SCHIP1: variants seen among roughly 807,000 people sequenced by gnomAD.
SCHIP1 encodes schwannomin-interacting protein 1.
Under a neutral mutation model 29.7 loss-of-function variants are expected in SCHIP1, and 8 were observed. The observed-to-expected ratio is 0.27, with a 90% CI of 0.16 to 0.49. The LOEUF is 0.49. SCHIP1 is among the 20% of genes least tolerant of loss of function. The pLI, the probability that SCHIP1 is intolerant of heterozygous loss-of-function variation, is 0.99. For missense variants in SCHIP1, 193 were observed against 294.6 expected (o/e 0.66, Z 2.52); for synonymous variants, 76 against 94.9 (o/e 0.80, Z 1.16).
At chr3:159,796,311 A>G in the SCHIP1 span, among the ~76,000 whole-genome samples, 2 of 152,074 alleles carry the variant, frequency 1.3e-5, no homozygotes, top group South Asian at 4.2e-4. Context: ...TACAAGCCAT[A>G]TAAAGCACGT....
chr3:159,763,004 T>G, the SCHIP1 span, among the ~76,000 whole-genome samples: 1 of 152,244 alleles, frequency 6.6e-6, no homozygotes, highest in East Asian at 1.9e-4. Context: ...GCTTCCCCTG[T>G]CTCCTTGCCA....
the SCHIP1 span, among the ~76,000 whole-genome samples, chr3:159,536,016 T>G: frequency 6.6e-6 from 1 of 152,202 alleles, no homozygotes; most frequent in Non-Finnish European, 1.5e-5. Flanking sequence ...TTAAATCATT[T>G]AAAGTTATAT....
chr3:159,644,510 T>G, the SCHIP1 span, among the ~76,000 whole-genome samples: 5 of 152,154 alleles, frequency 3.3e-5, no homozygotes, highest in East Asian at 9.6e-4. Flanking sequence ...TCCTTTTCTC[T>G]TTCTTCTTTT....
the SCHIP1 span, among the ~76,000 whole-genome samples, chr3:159,435,809 G>C: frequency 3.3e-5 from 5 of 152,236 alleles, no homozygotes; most frequent in Non-Finnish European, 7.4e-5. Context: ...AAGCAGGTGA[G>C]AGTTTCTCTC....
chr3:159,606,023 G>C, the SCHIP1 span, among the ~76,000 whole-genome samples: 2 of 152,156 alleles, frequency 1.3e-5, no homozygotes, highest in African/African-American at 2.4e-5. Context: ...GAAAGCACTC[G>C]AACTGTGACA....
the SCHIP1 span, among the ~76,000 whole-genome samples, chr3:159,822,571 A>G: frequency 2.3e-4 from 34 of 150,580 alleles, no homozygotes; most frequent in Non-Finnish European, 3.6e-4. Context: ...ACAGGCCAAA[A>G]TTTTGCAGGG....
the SCHIP1 span, among the ~76,000 whole-genome samples, chr3:159,396,208 G>C: frequency 1.3e-5 from 2 of 151,062 alleles, no homozygotes; most frequent in Admixed American, 6.6e-5. Context: ...TTGAGCCTAT[G>C]TGTGTCTCTG....
At chr3:159,411,423 C>T in the SCHIP1 span, among the ~76,000 whole-genome samples, 2 of 151,900 alleles carry the variant, frequency 1.3e-5, no homozygotes, top group South Asian at 4.2e-4. Flanking sequence ...ACTCTGTGAC[C>T]AGAAATGTTA....
chr3:159,358,300 T>C, the SCHIP1 span, among the ~76,000 whole-genome samples: 1 of 152,156 alleles, frequency 6.6e-6, no homozygotes, highest in Non-Finnish European at 1.5e-5. Flanking sequence ...CGAGGGGCTC[T>C]CATAAAGGTA....
the SCHIP1 span, among the ~76,000 whole-genome samples, chr3:159,754,471 C>T: frequency 5.9e-5 from 9 of 152,168 alleles, no homozygotes; most frequent in East Asian, 1.9e-4. Flanking sequence ...TTTATTGAAC[C>T]GTTCTGTTGG....
At chr3:159,275,450 T>C in the SCHIP1 span, among the ~76,000 whole-genome samples, 20,806 of 152,038 alleles carry the variant, frequency 0.14, 1,582 homozygotes, top group African/African-American at 0.18. Flanking sequence ...AAGACTCATG[T>C]CATAAAACGC....
chr3:159,427,326 T>A, the SCHIP1 span, among the ~76,000 whole-genome samples: 434 of 151,880 alleles, frequency 2.9e-3, 2 homozygotes, highest in Middle Eastern at 0.014. Flanking sequence ...AAAATCTCCT[T>A]AAGCTGATAA....
At chr3:159,389,414 A>G in the SCHIP1 span, among the ~76,000 whole-genome samples, 2 of 152,016 alleles carry the variant, frequency 1.3e-5, no homozygotes, top group Admixed American at 6.6e-5. Flanking sequence ...AGGTTTGGGG[A>G]TAAGATTACC....
intron 2 of SCHIP1, among the ~76,000 whole-genome samples, chr3:159,885,615 G>A (rs920811785): frequency 6.6e-6 from 1 of 152,192 alleles, no homozygotes; most frequent in Non-Finnish European, 1.5e-5. Context: ...GCCTGGGTTT[G>A]GGGCTTCCTT....
At chr3:159,457,486 A>C in the SCHIP1 span, among the ~76,000 whole-genome samples, 1 of 152,036 alleles carries the variant, frequency 6.6e-6, no homozygotes, top group Admixed American at 6.6e-5. Flanking sequence ...CTGAGCAGGT[A>C]TGAGTTGGAT....
the SCHIP1 span, among the ~76,000 whole-genome samples, chr3:159,498,169 A>T: frequency 3.9e-5 from 6 of 152,354 alleles, no homozygotes; most frequent in Admixed American, 2.6e-4. Flanking sequence ...ACATAAAAAG[A>T]TCAGCCAATT....
chr3:159,574,322 TG>T, the SCHIP1 span, among the ~76,000 whole-genome samples: 2 of 152,324 alleles, frequency 1.3e-5, no homozygotes, highest in East Asian at 3.9e-4. Context: ...TTGTTGATGT[TG>T]ATGCTATTCC....
the SCHIP1 span, among the ~76,000 whole-genome samples, chr3:159,769,291 G>A: frequency 6.7e-6 from 1 of 150,070 alleles, no homozygotes; most frequent in Non-Finnish European, 1.5e-5. Context: ...GGTGGGAGGG[G>A]GGGCACTGCC....
the SCHIP1 span, chr3:159,765,066 G>A: frequency 3.8e-6 from 6 of 1,564,900 alleles, no homozygotes; most frequent in African/African-American, 1.4e-5. Flanking sequence ...CGCTGGAGAA[G>A]CATCTGGCCG....
Sources: allele counts gnomAD v4.1 joint callset (sites outside exome capture counted in the v4.1 genomes callset), GRCh38; gene constraint gnomAD v4.1.1; transcripts MANE v1.5; gene names NCBI Gene and HGNC (gene_info 2026-07-23, HGNC 2026-07-21).